The following CYFIP1 variants were observed in gnomAD, a reference collection of about 807,000 sequenced individuals.
CYFIP1 encodes the protein cytoplasmic FMR1 interacting protein 1.
A neutral mutation model predicts 163.5 loss-of-function variants in CYFIP1; 58 were observed. The ratio of observed to expected loss-of-function variants is 0.35; its 90% CI spans 0.29 to 0.44. The LOEUF is 0.44. CYFIP1 is among the 20% of genes least tolerant of loss of function. The pLI is 1.00. For missense variants in CYFIP1, 1,338 were observed against 1,653.8 expected (o/e 0.81, Z 3.31); for synonymous variants, 663 against 660.7 (o/e 1.00, Z -0.05).
chr15:22,871,517 G>T (rs984717133), intron 30 of CYFIP1, among the ~76,000 whole-genome samples: 1 of 152,194 alleles, frequency 6.6e-6, no homozygotes, highest in Non-Finnish European at 1.5e-5. Context: ...GGAGTGGGAG[G>T]CAGAAGGGCC....
At chr15:22,938,142 C>T (rs889691376) in intron 8 of CYFIP1, among the ~76,000 whole-genome samples, 3 of 152,148 alleles carry the variant, frequency 2.0e-5, no homozygotes, top group Non-Finnish European at 4.4e-5. Context: ...AGGGAACAGC[C>T]GAACTGCCGC....
intron 1 of CYFIP1, among the ~76,000 whole-genome samples, chr15:22,952,106 CT>C (rs2062269361): frequency 6.6e-6 from 1 of 152,058 alleles, no homozygotes; most frequent in South Asian, 2.1e-4. Flanking sequence ...CCTTAACGAC[CT>C]TAGGCTAAGT....
rs2059374389 is a variant in CYFIP1, at chr15:22,869,877, TAAGTC to T, written c.*146_*150del. On this transcript the variant is annotated 3_prime_UTR_variant, in exon 31 of 31. Transcript: ENST00000617928. ...CATATACAATTTTAGTCTAGAAAAA[TAAGTC>T]AATTTTATAAAATTAAGTTTTTAGA... The T allele has an allele frequency of 8.0e-6, 5 of 624,318 alleles. No homozygotes were observed. Among genetic ancestry groups the T allele is most frequent in the Non-Finnish European group, 1.2e-5 (5 of 419,188 alleles). 38.7% of individuals were successfully genotyped at this position (624,318 alleles called of 1,614,324 possible). A position where few individuals can be genotyped will look rare whatever the true frequency, so the allele number is the denominator to read the frequency against.
At chr15:22,873,050 C>T in intron 29 of CYFIP1, 78 bp from the exon 30 acceptor site, 1 of 1,518,928 alleles carries the variant, frequency 6.6e-7, no homozygotes, top group South Asian at 1.2e-5. Flanking sequence ...CTCCAGATGT[C>T]AGTGACCAAG....
At chr15:22,944,489 G>GTGAACC (rs1408735361) in intron 5 of CYFIP1, 69 bp downstream of exon 5, 11 of 1,011,944 alleles carry the variant, frequency 1.1e-5, no homozygotes, top group Non-Finnish European at 1.4e-5. Flanking sequence ...CAGTGACAGT[G>GTGAACC]ATGGGTAGGA....
At chr15:22,959,591 C>T (rs2062606188) in intron 1 of CYFIP1, among the ~76,000 whole-genome samples, 1 of 152,214 alleles carries the variant, frequency 6.6e-6, no homozygotes, top group African/African-American at 2.4e-5. Flanking sequence ...GGGCGCTTGA[C>T]AAAGCAATTC....
intron 1 of CYFIP1, among the ~76,000 whole-genome samples, chr15:22,964,353 T>TCACACACACACACACACACA (rs71117466): frequency 2.5e-5 from 2 of 78,698 alleles, no homozygotes; most frequent in East Asian, 3.9e-4. Flanking sequence ...ACCTCATCAC[T>TCACACACACACACACACACA]CACACACACA....
Position 22,918,712 on chromosome 15 carries a change from C to T in CYFIP1, c.1506G>A (p.Lys502=). The T allele has an allele frequency of 6.2e-7, 1 of 1,605,930 alleles. No individual in the cohort carries two copies. The highest frequency in any genetic ancestry group is 1.1e-5 in the South Asian group (1 of 90,026). Residue 502 remains lysine, a synonymous_variant, in exon 14 of 31, where the codon AAG becomes AAA. Transcript: ENST00000617928. ...CTGACCTCTGGATGACGTTCTTCTT[C>T]TTCTTGATGGCCTGCCGCAGCGGCT... ...LREPLRQAIK[K]KKNVIQSVLQ... is the part of the protein sequence containing the mutation.
chr15:22,931,243 C>G (rs2061526904), intron 11 of CYFIP1, among the ~76,000 whole-genome samples: 1 of 152,198 alleles, frequency 6.6e-6, no homozygotes, highest in South Asian at 2.1e-4. Context: ...TGCCCTAAAA[C>G]CCGCAGTCCC....
intron 1 of CYFIP1, among the ~76,000 whole-genome samples, chr15:22,970,284 T>G (rs2063047576): frequency 6.6e-6 from 1 of 152,132 alleles, no homozygotes; most frequent in Non-Finnish European, 1.5e-5. Flanking sequence ...AAAACACTGC[T>G]GAAAGAAATT....
intron 1 of CYFIP1, among the ~76,000 whole-genome samples, chr15:22,975,441 CAAAAAAA>C (rs35556120): frequency 1.4e-5 from 1 of 71,342 alleles, no homozygotes; most frequent in Admixed American, 2.0e-4. Flanking sequence ...GACTCCGTCT[CAAAAAAA>C]AAAAAAAAAA....
chr15:22,885,160 T>C (rs568937858), intron 23 of CYFIP1, among the ~76,000 whole-genome samples: 7 of 152,320 alleles, frequency 4.6e-5, no homozygotes, highest in African/African-American at 1.7e-4. Flanking sequence ...TGAATTCCTC[T>C]CCAGAAAATG....
intron 1 of CYFIP1, among the ~76,000 whole-genome samples, chr15:22,963,862 A>C (rs7167117): frequency 0.057 from 8,639 of 152,184 alleles, 663 homozygotes; most frequent in African/African-American, 0.17. Context: ...TGCCTTCATG[A>C]GGACGGCTTG....
chr15:22,976,754 G>A (rs7171197), intron 1 of CYFIP1, among the ~76,000 whole-genome samples: 37,750 of 152,110 alleles, frequency 0.25, 4,694 homozygotes, highest in East Asian at 0.28. Context: ...ACAGTACACG[G>A]AGGGTTCTGT....
chr15:22,874,031 GC>G (rs1200267570), intron 28 of CYFIP1, among the ~76,000 whole-genome samples: 1 of 152,220 alleles, frequency 6.6e-6, no homozygotes, highest in Non-Finnish European at 1.5e-5. Flanking sequence ...GAACCCCGGT[GC>G]CCGGCCCTGG....
chr15:22,903,996 T>A, intron 21 of CYFIP1, 91 bp from the exon 22 acceptor site: 1 of 1,236,294 alleles, frequency 8.1e-7, no homozygotes, highest in Non-Finnish European at 1.2e-6. Context: ...GGCCTCACAG[T>A]CCCTGGCAGG....
chr15:22,946,591 A>G, intron 3 of CYFIP1: 1 of 325,240 alleles, frequency 3.1e-6, no homozygotes, highest in Non-Finnish European at 6.1e-6. Flanking sequence ...CAGTGAACCA[A>G]GATCGCGCCA....
Position 22,873,492 on chromosome 15 carries a change from C to T in CYFIP1, c.3448G>A (p.Glu1150Lys), listed in dbSNP as rs768579722. The T allele has an allele frequency of 1.9e-6, 3 of 1,612,516 alleles. No individual in the cohort carries two copies. The highest frequency in any genetic ancestry group is 1.7e-6 in the Non-Finnish European group (2 of 1,178,668). ...GTCCTGCTCTCAGCACACACTTACT[C>T]GACTGTGAACTCGTGTGTCCCCACG... ...IPVGTHEFTV[E>K]QCFGDGLHWA... The change falls in exon 29 of 31, where the codon GAG becomes AAG. Residue 1150 changes from glutamate (E) to lysine (K), a missense_variant and splice_region_variant. By Grantham distance (56) the Glu-to-Lys change is moderately conservative. This residue lies in a region of CYFIP1 where 306 missense variants were observed against 322.1 expected (regional missense o/e 0.95). Transcript: ENST00000617928.
chr15:22,961,768 A>C (rs1227833965), intron 1 of CYFIP1, among the ~76,000 whole-genome samples: 1 of 152,160 alleles, frequency 6.6e-6, no homozygotes. Flanking sequence ...TTTCCTCAGC[A>C]ACTGACAGAT....
Sources: gnomAD v4.1 joint callset for allele counts (sites outside exome capture counted in the v4.1 genomes callset) on GRCh38, gnomAD v4.1.1 for gene constraint, gnomAD v4.1.1 regional missense constraint, MANE v1.5 for transcripts, NCBI Gene and HGNC (gene_info 2026-07-23, HGNC 2026-07-21) for gene names.